The following C3orf52 variants were observed in gnomAD, a reference collection of about 807,000 sequenced individuals.
C3orf52 encodes TPA-induced transmembrane protein.
C3orf52 carries 22 observed loss-of-function variants against 24.8 expected under a neutral mutation model. The observed-to-expected ratio is 0.89, with a 90% CI of 0.63 to 1.27. The LOEUF (loss-of-function observed/expected upper bound fraction) is 1.27. C3orf52 is among the 50% of genes most tolerant of loss of function. The probability of loss-of-function intolerance (pLI) is 0.00; values close to 1 mark genes in which losing one functional copy is unlikely to be tolerated. For missense variants in C3orf52, 265 were observed against 260.7 expected (o/e 1.02, Z -0.11); for synonymous variants, 93 against 100.2 (o/e 0.93, Z 0.43).
chr3:112,094,567 C>T (rs928542486), intron 2 of C3orf52, among the ~76,000 whole-genome samples: 5 of 152,058 alleles, frequency 3.3e-5, no homozygotes, highest in African/African-American at 7.2e-5. Context: ...GTCTTGTGGA[C>T]TACCTTTAGG....
intron 2 of C3orf52, among the ~76,000 whole-genome samples, chr3:112,101,888 T>C (rs530105514): frequency 1.3e-5 from 2 of 152,352 alleles, no homozygotes; most frequent in Non-Finnish European, 2.9e-5. Flanking sequence ...GGAGCATAAT[T>C]AGCACAGTAG....
intron 3 of C3orf52, among the ~76,000 whole-genome samples, chr3:112,104,299 A>G (rs763453916): frequency 8.5e-5 from 13 of 152,194 alleles, no homozygotes; most frequent in Non-Finnish European, 1.9e-4. Context: ...TCATCCTGTC[A>G]AAGACAAGGT....
chr3:112,129,819 CAT>C (rs1191861046), downstream of C3orf52: 2 of 152,186 alleles, frequency 1.3e-5, no homozygotes, highest in East Asian at 3.8e-4. Flanking sequence ...CTCCTGAAAC[CAT>C]GTGAAAAGCA....
intron 4 of C3orf52, chr3:112,123,484 G>A (rs1186957947): frequency 5.6e-6 from 9 of 1,614,088 alleles, no homozygotes; most frequent in Admixed American, 1.7e-5. Flanking sequence ...GTCTCAGAAG[G>A]GGCCATAAGT....
chr3:112,130,934 A>G, downstream of C3orf52: 1 of 169,412 alleles, frequency 5.9e-6, no homozygotes, highest in Non-Finnish European at 1.3e-5. Context: ...ACCATCTTTC[A>G]CAGAAAGCAT....
At position 112,090,350 on chromosome 3, in the gene C3orf52, A is replaced by C. The variant is rs575760583; in HGVS notation, c.139-3010A>C. ...ACTCCTGCCACCCAGGCTGGAGTGC[A>C]GTAGTATGCTCATAGCTCACTGCAG... On this transcript the variant is annotated intron_variant, in intron 1 of 5. Coordinates refer to ENST00000264848, the MANE Select transcript of C3orf52 (RefSeq NM_024616.3). 3.5e-5 allele frequency among the ~76,000 whole-genome samples: 5 copies of C among 141,374 alleles called. No individual in the cohort carries two copies. In the South Asian group the frequency reaches 1.1e-3, roughly 32 times the overall value. The allele number at this position is 141,374 out of a possible 152,430, so 92.7% of individuals were successfully genotyped here. A position where few individuals can be genotyped will look rare whatever the true frequency, so the allele number is the denominator to read the frequency against.
chr3:112,128,005 C>T (rs910497938), intron 4 of C3orf52: 3 of 1,611,776 alleles, frequency 1.9e-6, no homozygotes, highest in African/African-American at 1.3e-5. Context: ...CTAAAAACAA[C>T]TGTCCACTCA....
At chr3:112,105,909 G>A (rs1031738438) in intron 3 of C3orf52, among the ~76,000 whole-genome samples, 2 of 152,044 alleles carry the variant, frequency 1.3e-5, no homozygotes, top group Non-Finnish European at 2.9e-5. Flanking sequence ...CAAATTGGAG[G>A]TCTCCAAAAC....
At chr3:112,129,973 A>G (rs1299825528), downstream of C3orf52, 1 of 156,506 alleles carries the variant, frequency 6.4e-6, no homozygotes, top group East Asian at 1.8e-4. Context: ...GTCTGTTCAA[A>G]AAGAATTAAT....
chr3:112,102,715 C>T lies in C3orf52; in HGVS notation c.269-123C>T, dbSNP rs530667987. ...TCTGCTTACACTTGCTTGCTGTGTT[C>T]AGCCTTTACCCTTGATGCTCATAGT... On this transcript the variant is annotated intron_variant, in intron 2 of 5. Transcript: ENST00000264848. 22 of 905,386 alleles carry T rather than the reference C, an allele frequency of 2.4e-5. No homozygotes were observed. The East Asian group carries it at 5.6e-4, about 23-fold the overall frequency. The allele number at this position is 905,386 out of a possible 1,614,324, so 56.1% of individuals were successfully genotyped here. A position where few individuals can be genotyped will look rare whatever the true frequency, so the allele number is the denominator to read the frequency against.
Position 112,088,440 on chromosome 3 carries a change from G to A in C3orf52, c.138+1895G>A, listed in dbSNP as rs138794335. ...TTTTCATTAACCCTGTTTAGTAACT[G>A]TCTTGTGACAAATACTTTTGATGCA... On this transcript the variant is annotated intron_variant, in intron 1 of 5. Coordinates refer to ENST00000264848, the MANE Select transcript of C3orf52 (RefSeq NM_024616.3). Among the ~76,000 whole-genome samples the A allele has an allele frequency of 3.1e-3, 470 of 152,278 alleles. 2 individuals carry two copies. Among genetic ancestry groups the A allele is most frequent in the African/African-American group, 0.01 (436 of 41,538 alleles).
At chr3:112,097,171 G>C (rs2107778047) in intron 2 of C3orf52, among the ~76,000 whole-genome samples, 2 of 152,168 alleles carry the variant, frequency 1.3e-5, no homozygotes, top group South Asian at 4.1e-4. Context: ...TTTTCTTTCT[G>C]GATAATTTGG....
chr3:112,109,868 C>G, intron 4 of C3orf52: 1 of 373,574 alleles, frequency 2.7e-6, no homozygotes, highest in South Asian at 4.4e-5. Flanking sequence ...GGGGAAAAGC[C>G]AGTCCCAGGT....
At chr3:112,113,178 G>T in intron 5 of C3orf52, 33 bp downstream of exon 5, 1 of 1,539,108 alleles carries the variant, frequency 6.5e-7, no homozygotes, top group South Asian at 1.2e-5. Flanking sequence ...TCAGAGTTGT[G>T]ACAATAAACA....
At chr3:112,094,320 CTG>C (rs1383286349) in intron 2 of C3orf52, among the ~76,000 whole-genome samples, 3 of 152,088 alleles carry the variant, frequency 2.0e-5, no homozygotes, top group African/African-American at 7.2e-5. Context: ...TTAGAAATGA[CTG>C]TTTATTTTAT....
At chr3:112,131,939 TAAAAC>T (rs1255076509), downstream of C3orf52, among the ~76,000 whole-genome samples, 1 of 152,140 alleles carries the variant, frequency 6.6e-6, no homozygotes, top group Non-Finnish European at 1.5e-5. Flanking sequence ...TTTTCTTACA[TAAAAC>T]AAAATTTTAA....
chr3:112,088,351 G>A (rs997315427), intron 1 of C3orf52, among the ~76,000 whole-genome samples: 1 of 152,236 alleles, frequency 6.6e-6, no homozygotes, highest in Non-Finnish European at 1.5e-5. Context: ...AGAATTTTGT[G>A]TGTTGGTCTC....
chr3:112,102,337 G>A (rs1318123341), intron 2 of C3orf52, among the ~76,000 whole-genome samples: 1 of 151,906 alleles, frequency 6.6e-6, no homozygotes, highest in Non-Finnish European at 1.5e-5. Context: ...CAACCCTCTG[G>A]GTCTGTTTTC....
At chr3:112,086,589 C>T (rs2073828466) in intron 1 of C3orf52, 44 bp downstream of exon 1, 2 of 1,456,844 alleles carry the variant, frequency 1.4e-6, no homozygotes, top group African/African-American at 1.6e-5. Context: ...GGCGGCGGGA[C>T]AGTAGTAGGA....
Sources: gnomAD v4.1 joint callset for allele counts (sites outside exome capture counted in the v4.1 genomes callset) on GRCh38, gnomAD v4.1.1 for gene constraint, MANE v1.5 for transcripts, NCBI Gene and HGNC (gene_info 2026-07-23, HGNC 2026-07-21) for gene names.